The following GARNL3 variants were observed in gnomAD, a reference collection of about 807,000 sequenced individuals.
GARNL3 encodes the protein GTPase activating Rap/RanGAP domain like 3.
Under a neutral mutation model 125.0 loss-of-function variants are expected in GARNL3, and 63 were observed. The ratio of observed to expected loss-of-function variants is 0.50; its 90% CI spans 0.41 to 0.62. GARNL3 has a LOEUF of 0.62. Among genes scored for constraint, GARNL3 ranks in the 20% least tolerant of loss-of-function variants. The pLI is 0.00. For missense variants in GARNL3, 994 were observed against 1,244.0 expected, an observed-to-expected ratio of 0.80 and a Z score of 3.02; for synonymous variants, 439 against 457.5, an observed-to-expected ratio of 0.96 and a Z score of 0.52.
intron 22 of GARNL3, among the ~76,000 whole-genome samples, chr9:127,376,925 ATATAC>A (rs1186264747): frequency 6.6e-6 from 1 of 152,238 alleles, no homozygotes; most frequent in Non-Finnish European, 1.5e-5. Flanking sequence ...AAATGGACAA[ATATAC>A]TATGCTACTG....
At chr9:127,391,991 A>T (rs915123117) in intron 27 of GARNL3, among the ~76,000 whole-genome samples, 1 of 152,204 alleles carries the variant, frequency 6.6e-6, no homozygotes, top group African/African-American at 2.4e-5. Context: ...GGGTATTAAG[A>T]TATGGAAAGG....
At chr9:127,250,045 A>T (rs2063373284) in intron 2 of GARNL3, among the ~76,000 whole-genome samples, 1 of 152,182 alleles carries the variant, frequency 6.6e-6, no homozygotes, top group African/African-American at 2.4e-5. Flanking sequence ...TTTGTTACTG[A>T]TGGAAGGATT....
chr9:127,247,910 T>A (rs1445657015), intron 2 of GARNL3, among the ~76,000 whole-genome samples: 1 of 152,216 alleles, frequency 6.6e-6, no homozygotes, highest in African/African-American at 2.4e-5. Context: ...AATTAAAGCT[T>A]ACCACTACCC....
At chr9:127,335,204 A>G (rs768165575) in intron 9 of GARNL3, 26 bp from the exon 10 acceptor site, 2 of 1,486,404 alleles carry the variant, frequency 1.3e-6, no homozygotes, top group Admixed American at 3.3e-5. Flanking sequence ...CTCTGTGCTC[A>G]CTGAATGCAT....
intron 27 of GARNL3, among the ~76,000 whole-genome samples, chr9:127,391,799 C>T (rs888722813): frequency 1.3e-5 from 2 of 151,700 alleles, no homozygotes; most frequent in African/African-American, 2.4e-5. Context: ...CCAGCCTATC[C>T]GAATGCCAGG....
chr9:127,334,607 G>A (rs1829448680), intron 9 of GARNL3, among the ~76,000 whole-genome samples: 1 of 152,120 alleles, frequency 6.6e-6, no homozygotes, highest in Admixed American at 6.5e-5. Flanking sequence ...TCTCCAATAT[G>A]GTCATAACAA....
intron 1 of GARNL3, among the ~76,000 whole-genome samples, chr9:127,238,650 C>A (rs1453289624): frequency 6.6e-6 from 1 of 152,226 alleles, no homozygotes; most frequent in Non-Finnish European, 1.5e-5. Flanking sequence ...ATCATCCTTT[C>A]TCCTACCTTA....
chr9:127,291,324 A>C (rs1390428588), intron 2 of GARNL3, 82 bp downstream of exon 2: 9 of 1,263,360 alleles, frequency 7.1e-6, no homozygotes, highest in Middle Eastern at 1.8e-4. Context: ...AGAGTTCTGG[A>C]AGAGGTAAAT....
At chr9:127,249,923 C>A (rs2063370556) in intron 2 of GARNL3, among the ~76,000 whole-genome samples, 1 of 152,160 alleles carries the variant, frequency 6.6e-6, no homozygotes, top group African/African-American at 2.4e-5. Context: ...GCAGAAGAAT[C>A]ACTTGAACCC....
chr9:127,225,431 G>T (rs180722632), intron 1 of GARNL3: 4 of 937,884 alleles, frequency 4.3e-6, no homozygotes, highest in Non-Finnish European at 5.1e-6. Context: ...GGGTGCGGCC[G>T]GGCGGGGTGC....
In GARNL3 at chr9:127,266,331, G is replaced by C. The variant is rs1032451221; in HGVS notation, c.144+1310G>C. 6.6e-6 allele frequency among the ~76,000 whole-genome samples: 1 copy of C among 152,210 alleles called. No individual in the cohort carries two copies. The highest frequency in any genetic ancestry group is 1.5e-5 in the Non-Finnish European group (1 of 68,042). On this transcript the variant is annotated intron_variant, in intron 1 of 27. Coordinates refer to ENST00000373387, the MANE Select transcript of GARNL3 (RefSeq NM_032293.5). This position sits in a 1 kb window ranked among gnomAD's most constrained non-coding sequence, Gnocchi z 4.0. Reference sequence around the variant, plus strand: ...ATGTGGATTGGTGGCAGAGAGGATAGACAGTAGGTATGAGCTAACAGTATG... The same window carrying C: ...ATGTGGATTGGTGGCAGAGAGGATACACAGTAGGTATGAGCTAACAGTATG...
chr9:127,340,881 G>A (rs1829826725), intron 13 of GARNL3, among the ~76,000 whole-genome samples: 1 of 151,936 alleles, frequency 6.6e-6, no homozygotes, highest in African/African-American at 2.4e-5. Flanking sequence ...GACTTCTCCT[G>A]CACAGAAACA....
chr9:127,244,327 T>C (rs945777719), intron 2 of GARNL3, among the ~76,000 whole-genome samples: 3 of 152,188 alleles, frequency 2.0e-5, no homozygotes, highest in African/African-American at 7.2e-5. Context: ...AGGATGAGCA[T>C]TGATCAGGCA....
intron 1 of GARNL3, among the ~76,000 whole-genome samples, chr9:127,278,246 C>T (rs1009808094): frequency 5.3e-5 from 8 of 152,272 alleles, no homozygotes; most frequent in South Asian, 2.1e-4. Context: ...TAGTACACAT[C>T]GATTTAGTAA....
In GARNL3 at chr9:127,301,003, C is replaced by T. The variant is rs190607106; in HGVS notation, c.219+9761C>T. Reference sequence around the variant, plus strand: ...GCCATTTCACAAACCCAGGTGGTTCCCTCTGCTATTGCCAGTTGAAGCGAC... The same window carrying T: ...GCCATTTCACAAACCCAGGTGGTTCTCTCTGCTATTGCCAGTTGAAGCGAC... On this transcript the variant is annotated intron_variant, in intron 2 of 27. Transcript: ENST00000373387. 4.0e-4 allele frequency: 71 copies of T among 178,716 alleles called. No individual in the cohort carries two copies. The East Asian group carries it at 0.011, about 28-fold the overall frequency. The allele number at this position is 178,716 out of a possible 1,614,324, so 11.1% of individuals were successfully genotyped here.
chr9:127,232,774 G>A (rs2063041656), intron 1 of GARNL3, among the ~76,000 whole-genome samples: 2 of 152,234 alleles, frequency 1.3e-5, no homozygotes, highest in African/African-American at 4.8e-5. Context: ...GGCTCCAGGT[G>A]CTTGAATAAT....
upstream of GARNL3, chr9:127,263,539 A>G (rs2063637174): frequency 3.5e-6 from 1 of 281,968 alleles, no homozygotes; most frequent in East Asian, 1.7e-4. Context: ...AGTAGCCTCC[A>G]GGAAGGTCTT....
intron 2 of GARNL3, among the ~76,000 whole-genome samples, chr9:127,293,244 A>G (rs1419088880): frequency 4.6e-5 from 7 of 152,242 alleles, no homozygotes; most frequent in Non-Finnish European, 4.4e-5. Flanking sequence ...CTCACTATAT[A>G]TAGTTGCTTA....
intron 1 of GARNL3, among the ~76,000 whole-genome samples, chr9:127,282,847 A>G (rs969325989): frequency 1.3e-5 from 2 of 151,808 alleles, no homozygotes; most frequent in Non-Finnish European, 3.0e-5. Flanking sequence ...TTGTTTTTGA[A>G]AAATTACATA....
Sources: gnomAD v4.1 joint callset for allele counts (sites outside exome capture counted in the v4.1 genomes callset) on GRCh38, gnomAD v4.1.1 for gene constraint, Gnocchi (gnomAD v3.1) non-coding constraint, MANE v1.5 for transcripts, NCBI Gene and HGNC (gene_info 2026-07-23, HGNC 2026-07-21) for gene names.